The following IGF1 variants were observed in gnomAD, a reference collection of about 807,000 sequenced individuals.
The protein encoded by IGF1 is insulin-like growth factor 1.
A neutral mutation model predicts 13.8 loss-of-function variants in IGF1; 4 were observed. The observed-to-expected ratio is 0.29, with a 90% CI of 0.14 to 0.66. The LOEUF (loss-of-function observed/expected upper bound fraction) is 0.66, where lower values mean the gene tolerates loss of function less well. IGF1 is among the 30% of genes least tolerant of loss of function. The probability of loss-of-function intolerance (pLI) is 0.78; values close to 1 mark genes in which losing one functional copy is unlikely to be tolerated. For missense variants in IGF1, 124 were observed against 188.5 expected (o/e 0.66, Z 2.00); for synonymous variants, 76 against 72.6 (o/e 1.05, Z -0.23).
Position 102,427,370 on chromosome 12 carries a change from C to T in IGF1, c.221-7680G>A, listed in dbSNP as rs559448613. Among the ~76,000 whole-genome samples, 20 of 152,214 alleles carry T rather than the reference C, an allele frequency of 1.3e-4. No homozygotes were observed. In the South Asian group the frequency reaches 1.7e-3, roughly 13 times the overall value. ...GCCTTGTAACAAAACATAAGGCATT[C>T]GTGAGTCGAGGGTAACGCCCTCTTT... On this transcript the variant is annotated intron_variant, in intron 2 of 3. Transcript: ENST00000337514.
intron 2 of IGF1, among the ~76,000 whole-genome samples, chr12:102,473,531 C>A (rs751914704): frequency 6.6e-6 from 1 of 152,110 alleles, no homozygotes; most frequent in Non-Finnish European, 1.5e-5. Context: ...GAGGGTATGT[C>A]GGATTAACAT....
intron 2 of IGF1, chr12:102,462,912 A>T (rs1398905077): frequency 2.0e-5 from 3 of 152,194 alleles, no homozygotes; most frequent in Non-Finnish European, 4.4e-5. Context: ...AAATGGTTGG[A>T]TCCATAGGAA....
intron 2 of IGF1, among the ~76,000 whole-genome samples, chr12:102,456,287 C>T (rs535555579): frequency 6.8e-6 from 1 of 146,182 alleles, no homozygotes; most frequent in Admixed American, 6.9e-5. Context: ...TCTAGAGATC[C>T]TGAGGAGCTA....
intron 2 of IGF1, among the ~76,000 whole-genome samples, chr12:102,454,126 T>C (rs1187873895): frequency 6.6e-6 from 1 of 152,228 alleles, no homozygotes; most frequent in Non-Finnish European, 1.5e-5. Flanking sequence ...TACTCCTTAC[T>C]TTGCTGTCTA....
At chr12:102,441,927 T>TCTTCTTCTCCTTCTCCTTCTCCTTCTC (rs1877817884) in intron 2 of IGF1, among the ~76,000 whole-genome samples, 1 of 127,746 alleles carries the variant, frequency 7.8e-6, no homozygotes, top group Admixed American at 9.3e-5. Flanking sequence ...TTCTTCTTCT[T>TCTTCTTCTCCTTCTCCTTCTCCTTCTC]CTTCTTCTTC....
At chr12:102,421,012 G>A (rs1426963861) in intron 2 of IGF1, among the ~76,000 whole-genome samples, 1 of 152,202 alleles carries the variant, frequency 6.6e-6, no homozygotes, top group Non-Finnish European at 1.5e-5. Context: ...CTCATTGGGG[G>A]AGATCAGGCC....
intron 3 of IGF1, among the ~76,000 whole-genome samples, chr12:102,413,817 G>A (rs553859166): frequency 1.4e-4 from 22 of 152,168 alleles, no homozygotes; most frequent in African/African-American, 4.8e-4. Context: ...TATATGACCC[G>A]GAAACAGAAG....
intron 2 of IGF1, among the ~76,000 whole-genome samples, chr12:102,470,823 G>T (rs1172627913): frequency 6.6e-6 from 1 of 152,136 alleles, no homozygotes; most frequent in African/African-American, 2.4e-5. Flanking sequence ...TAATAGGCTG[G>T]GAAGAGGCTT....
At chr12:102,453,642 G>T (rs1008875592) in intron 2 of IGF1, among the ~76,000 whole-genome samples, 1 of 152,198 alleles carries the variant, frequency 6.6e-6, no homozygotes, top group Non-Finnish European at 1.5e-5. Flanking sequence ...GTTGGAAGAG[G>T]CATTGCTAGG....
intron 2 of IGF1, among the ~76,000 whole-genome samples, chr12:102,441,957 T>TCCTCTTCCTCTTCCTCTTCCTCTTCCTC (rs71438463): frequency 3.7e-5 from 5 of 134,676 alleles, no homozygotes; most frequent in Non-Finnish European, 6.4e-5. Flanking sequence ...TTCTTCTTCT[T>TCCTCTTCCTCTTCCTCTTCCTCTTCCTC]TTTTTTTTTT....
In IGF1 at chr12:102,400,565, G is replaced by T. The variant is rs1437658655; in HGVS notation, c.*1942C>A. 6.6e-6 allele frequency: 1 copy of T among 152,144 alleles called. No homozygotes were observed. The highest frequency in any genetic ancestry group is 1.5e-5 in the Non-Finnish European group (1 of 68,000). The allele number at this position is 152,144 out of a possible 1,614,324, so 9.4% of individuals were successfully genotyped here. Reference sequence around the variant, plus strand: ...TATTTTAACAAACTTTTAAAAAAATGTATATACAGCTAAGAATAAGAGTAA... The same window carrying T: ...TATTTTAACAAACTTTTAAAAAAATTTATATACAGCTAAGAATAAGAGTAA... On this transcript the variant is annotated 3_prime_UTR_variant, in exon 4 of 4. Coordinates refer to ENST00000337514, the MANE Select transcript of IGF1 (RefSeq NM_000618.5).
At chr12:102,472,799 A>G (rs1880767816) in intron 2 of IGF1, among the ~76,000 whole-genome samples, 1 of 152,210 alleles carries the variant, frequency 6.6e-6, no homozygotes, top group Non-Finnish European at 1.5e-5. Context: ...TAATTGGCTC[A>G]GACACAAAAC....
rs118026581 is a variant in IGF1 at position 102,427,033 on chromosome 12, C to T, written c.221-7343G>A. Among the ~76,000 whole-genome samples the T allele has an allele frequency of 1.4e-3, 218 of 152,312 alleles. 1 individual carries two copies. The highest frequency in any genetic ancestry group is 3.0e-3 in the Admixed American group (46 of 15,304). On this transcript the variant is annotated intron_variant, in intron 2 of 3. Transcript: ENST00000337514. ...TGGAATGACTGAAAACCAGGGCTCC[C>T]TCTCCTGCCAGCCATGCTTTGGGAA...
chr12:102,472,418 TA>T (rs960848985), intron 2 of IGF1, among the ~76,000 whole-genome samples: 71 of 151,358 alleles, frequency 4.7e-4, no homozygotes, highest in South Asian at 1.9e-3. Flanking sequence ...CTAATAGAGT[TA>T]AAAAAAAACT....
chr12:102,424,071 G>A (rs928888364), intron 2 of IGF1, among the ~76,000 whole-genome samples: 1 of 152,104 alleles, frequency 6.6e-6, no homozygotes, highest in Admixed American at 6.6e-5. Flanking sequence ...CATTGGAAAG[G>A]GAAGACATTG....
At chr12:102,417,925 G>C (rs758224738) in intron 3 of IGF1, 106 of 1,613,154 alleles carry the variant, frequency 6.6e-5, no homozygotes, top group Admixed American at 2.0e-4. Context: ...CCCTCCTTCT[G>C]TTCCCCTCCT....
chr12:102,471,770 A>G lies in IGF1; in HGVS notation c.220+3873T>C, dbSNP rs545413262. Among the ~76,000 whole-genome samples, 72 of 152,314 alleles carry G rather than the reference A, an allele frequency of 4.7e-4. 1 individual carries two copies. Among genetic ancestry groups the G allele is most frequent in the African/African-American group, 1.6e-3 (66 of 41,578 alleles). On this transcript the variant is annotated intron_variant, in intron 2 of 3. Transcript: ENST00000337514. ...CTGTTTATAGACTCTTAAAACTTAA[A>G]AAGACCCCAGAAACTCTCTTTCTTT...
chr12:102,415,543 TTTCCTTCCTTCCTTCC>T (rs761981548), intron 3 of IGF1, among the ~76,000 whole-genome samples: 15 of 81,718 alleles, frequency 1.8e-4, no homozygotes, highest in African/African-American at 3.1e-4. Flanking sequence ...CTTCCTTCCC[TTTCCTTCCTTCCTTCC>T]TTCCTTCCTT....
At chr12:102,445,208 T>G (rs1470330445) in intron 2 of IGF1, among the ~76,000 whole-genome samples, 4 of 150,986 alleles carry the variant, frequency 2.6e-5, no homozygotes, top group Admixed American at 1.3e-4. Context: ...TAGGATTGTC[T>G]TGGCTATCCA....
Sources: allele counts gnomAD v4.1 joint callset (sites outside exome capture counted in the v4.1 genomes callset), GRCh38; gene constraint gnomAD v4.1.1; transcripts MANE v1.5; gene names NCBI Gene and HGNC (gene_info 2026-07-23, HGNC 2026-07-21).